The following AFDN variants were observed in gnomAD, a reference collection of about 807,000 sequenced individuals.
AFDN encodes afadin, adherens junction formation factor.
Under a neutral mutation model 216.6 loss-of-function variants are expected in AFDN, and 68 were observed. The observed-to-expected ratio is 0.31, with a 90% confidence interval of 0.26 to 0.38. The LOEUF (loss-of-function observed/expected upper bound fraction) is 0.38, where lower values mean the gene tolerates loss of function less well. AFDN is among the 10% of genes least tolerant of loss of function. AFDN has a pLI of 1.00. For missense variants in AFDN, 2,136 were observed against 2,342.0 expected, an observed-to-expected ratio of 0.91 and a Z score of 1.82; for synonymous variants, 868 against 853.7, an observed-to-expected ratio of 1.02 and a Z score of -0.29.
intron 1 of AFDN, among the ~76,000 whole-genome samples, chr6:167,849,124 A>G (rs1169321962): frequency 6.7e-6 from 1 of 149,688 alleles, no homozygotes. Flanking sequence ...CAGTAATAAT[A>G]CCTACCTTAT....
At chr6:167,954,595 AG>A in intron 30 of AFDN, 1 of 958,798 alleles carries the variant, frequency 1.0e-6, no homozygotes, top group African/African-American at 1.7e-5. Flanking sequence ...AGTTCTCCTT[AG>A]GGGTGTCCTC....
chr6:167,828,330 T>C (rs1267174771), intron 1 of AFDN, among the ~76,000 whole-genome samples: 2 of 152,248 alleles, frequency 1.3e-5, no homozygotes, highest in African/African-American at 4.8e-5. Context: ...CTTTATGTTT[T>C]TGAGAGAATT....
chr6:167,963,668 C>G, intron 31 of AFDN: 1 of 1,060,686 alleles, frequency 9.4e-7, no homozygotes, highest in Non-Finnish European at 1.1e-6. Flanking sequence ...CCTTTGCCCT[C>G]TAAGTTTATC....
In AFDN at chr6:167,962,739, C is replaced by T; in HGVS notation, c.4968+172C>T. 2 of 1,493,190 alleles carry T rather than the reference C, an allele frequency of 1.3e-6. No individual in the cohort carries two copies. The highest frequency in any genetic ancestry group is 1.8e-6 in the Non-Finnish European group (2 of 1,125,636). The allele number at this position is 1,493,190 out of a possible 1,614,324, so 92.5% of individuals were successfully genotyped here. A position where few individuals can be genotyped will look rare whatever the true frequency, so the allele number is the denominator to read the frequency against. ...CTGCAACTTTACCCCATCTGGCCCA[C>T]CTACCTCTCTTCTGGACTGTCTCCA... On this transcript the variant is annotated intron_variant, in intron 31 of 33. Transcript: ENST00000683244. This position sits in a 1 kb window ranked among gnomAD's most constrained non-coding sequence, Gnocchi z 5.2.
chr6:167,841,755 AT>A lies in AFDN; in HGVS notation c.105+14528del, dbSNP rs926142674. ...TAGAGTGTTTCAATTTATGTTGCTA[AT>A]TTTTTTTTTCTACTACTGGAAACAT... is the stretch of plus-strand genomic sequence containing the variant. On this transcript the variant is annotated intron_variant, in intron 1 of 33. Coordinates refer to ENST00000683244, the MANE Select transcript of AFDN (RefSeq NM_001386888.1). Among the ~76,000 whole-genome samples the A allele has an allele frequency of 7.4e-3, 1,100 of 149,516 alleles. 23 individuals carry two copies. Among genetic ancestry groups the A allele is most frequent in the African/African-American group, 0.025 (1,024 of 40,784 alleles).
chr6:167,882,728 T>C (rs145750505), intron 6 of AFDN, among the ~76,000 whole-genome samples: 3,008 of 152,286 alleles, frequency 0.02, 55 homozygotes, highest in Non-Finnish European at 0.033. Context: ...CTCTCAGGAC[T>C]GAAGAAGTTT....
chr6:167,946,624 A>G, intron 26 of AFDN, 83 bp from the exon 27 acceptor site: 1 of 1,271,812 alleles, frequency 7.9e-7, no homozygotes, highest in Non-Finnish European at 1.1e-6. Context: ...TCTTATGCTA[A>G]GAACAATTCT....
At chr6:167,913,240 C>T (rs1790628056) in intron 15 of AFDN, among the ~76,000 whole-genome samples, 163 bp from the exon 16 acceptor site, 2 of 152,212 alleles carry the variant, frequency 1.3e-5, no homozygotes, top group South Asian at 4.1e-4. Flanking sequence ...AAAGGTGCTT[C>T]AGAACCATAA....
At chr6:167,878,301 G>T (rs1029501192) in intron 5 of AFDN, among the ~76,000 whole-genome samples, 6 of 152,088 alleles carry the variant, frequency 3.9e-5, no homozygotes, top group African/African-American at 1.4e-4. Context: ...TGTTACTGCA[G>T]TCTACCCAAT....
At chr6:167,897,395 T>A (rs1188459650) in intron 10 of AFDN, among the ~76,000 whole-genome samples, 1 of 152,206 alleles carries the variant, frequency 6.6e-6, no homozygotes, top group Admixed American at 6.5e-5. Context: ...CTTAACACAT[T>A]ATTTGAATAA....
At chr6:167,908,269 G>T (rs181697698) in intron 13 of AFDN, among the ~76,000 whole-genome samples, 209 of 152,350 alleles carry the variant, frequency 1.4e-3, no homozygotes, top group African/African-American at 4.6e-3. Context: ...ACTTCCAGCA[G>T]AGGGCACTGG....
chr6:167,862,226 G>A (rs1783660812), intron 1 of AFDN, among the ~76,000 whole-genome samples: 1 of 152,178 alleles, frequency 6.6e-6, no homozygotes, highest in African/African-American at 2.4e-5. Flanking sequence ...GGAGAACGAA[G>A]GTGAAGGAAA....
At chr6:167,937,495 G>A (rs1047322531) in intron 23 of AFDN, among the ~76,000 whole-genome samples, 8 of 152,072 alleles carry the variant, frequency 5.3e-5, no homozygotes, top group Admixed American at 3.9e-4. Context: ...CAGTCCTCCC[G>A]CCACAGCCTC....
chr6:167,841,265 A>C (rs1392919356), intron 1 of AFDN, among the ~76,000 whole-genome samples: 1 of 152,196 alleles, frequency 6.6e-6, no homozygotes, highest in Non-Finnish European at 1.5e-5. Flanking sequence ...GTACTTGTGG[A>C]TTTCCCAGAG....
intron 30 of AFDN, among the ~76,000 whole-genome samples, chr6:167,955,642 G>A (rs1253050550): frequency 6.6e-6 from 1 of 152,136 alleles, no homozygotes; most frequent in African/African-American, 2.4e-5. Flanking sequence ...GAAGAATTCT[G>A]TGACACATGA....
intron 19 of AFDN, among the ~76,000 whole-genome samples, chr6:167,916,683 A>G (rs1453567147): frequency 6.6e-6 from 1 of 151,872 alleles, no homozygotes; most frequent in African/African-American, 2.4e-5. Flanking sequence ...TTTTTTCTCC[A>G]TTTTTAAACC....
chr6:167,962,947 G>A lies in AFDN; in HGVS notation c.4968+380G>A, dbSNP rs1797184949. 8.9e-7 allele frequency: 1 copy of A among 1,120,386 alleles called. No homozygotes were observed. Among genetic ancestry groups the A allele is most frequent in the African/African-American group, 1.5e-5 (1 of 64,674 alleles). The allele number at this position is 1,120,386 out of a possible 1,614,324, so 69.4% of individuals were successfully genotyped here. A position where few individuals can be genotyped will look rare whatever the true frequency, so the allele number is the denominator to read the frequency against. On this transcript the variant is annotated intron_variant, in intron 31 of 33. Coordinates refer to ENST00000683244, the MANE Select transcript of AFDN (RefSeq NM_001386888.1). The surrounding 1 kb of genome is among the most constrained non-coding windows in gnomAD (Gnocchi z 5.2). ...TGCTTAAATGGCATGTGGACCGTGG[G>A]AAGCAGTAGGAGCGTAGTAAGACAG...
At chr6:167,949,810 C>T (rs1046873261) in intron 29 of AFDN, among the ~76,000 whole-genome samples, 2 of 151,628 alleles carry the variant, frequency 1.3e-5, no homozygotes, top group African/African-American at 4.9e-5. Context: ...GCTGGCATTA[C>T]GTCTTCACAT....
intron 22 of AFDN, 120 bp downstream of exon 22, chr6:167,923,079 T>A: frequency 4.8e-6 from 3 of 627,060 alleles, no homozygotes; most frequent in Admixed American, 3.4e-5. Context: ...AAATCGCTGT[T>A]AAATACTGAT....
Sources: gnomAD v4.1 joint callset for allele counts (sites outside exome capture counted in the v4.1 genomes callset) on GRCh38, gnomAD v4.1.1 for gene constraint, Gnocchi (gnomAD v3.1) non-coding constraint, MANE v1.5 for transcripts, NCBI Gene and HGNC (gene_info 2026-07-23, HGNC 2026-07-21) for gene names.